Variants in COL16A1 observed in about 807,000 individuals in gnomAD.
The protein encoded by COL16A1 is collagen type XVI alpha 1 chain.
Under a neutral mutation model 266.3 loss-of-function variants are expected in COL16A1, and 189 were observed. The observed-to-expected ratio is 0.71, with a 90% CI of 0.63 to 0.80. COL16A1 has a LOEUF of 0.80. Ranked by LOEUF, COL16A1 falls within the 30% of genes least tolerant of loss-of-function variation. COL16A1 has a pLI of 0.00. For missense variants in COL16A1, 1,928 were observed against 2,122.4 expected (o/e 0.91, Z 1.80); for synonymous variants, 740 against 782.3 (o/e 0.95, Z 0.90).
At position 31,697,740 on chromosome 1, in the gene COL16A1, G is replaced by A. The variant is rs1644560386; in HGVS notation, c.657+166C>T. 6.6e-6 allele frequency among the ~76,000 whole-genome samples: 1 copy of A among 152,168 alleles called. No individual in the cohort carries two copies. The highest frequency in any genetic ancestry group is 2.4e-5 in the African/African-American group (1 of 41,446). ...ACACTTATAAGGACCAGATCATGAA[G>A]GGCCTTGAATGCCAGGTGAATATGT... is the stretch of plus-strand genomic sequence containing the variant. On this transcript the variant is annotated intron_variant, in intron 6 of 70. Coordinates refer to ENST00000373672, the MANE Select transcript of COL16A1 (RefSeq NM_001856.4). This position sits in a 1 kb window ranked among gnomAD's most constrained non-coding sequence, Gnocchi z 4.2.
intron 31 of COL16A1, 37 bp from the exon 32 acceptor site, chr1:31,684,268 C>G (rs1289363686): frequency 2.7e-6 from 4 of 1,454,554 alleles, no homozygotes; most frequent in Non-Finnish European, 3.6e-6. Context: ...GCCCATGAGC[C>G]GGGGCTGGCA....
At chr1:31,675,337 A>G (rs369379014) in intron 42 of COL16A1, 26 bp from the exon 43 acceptor site, 6 of 1,611,344 alleles carry the variant, frequency 3.7e-6, no homozygotes, top group Non-Finnish European at 4.2e-6. Context: ...GACACGAGTG[A>G]GTGGGCTCCA....
intron 52 of COL16A1, 126 bp from the exon 53 acceptor site, chr1:31,666,207 C>T (rs531575475): frequency 1.4e-5 from 14 of 1,001,294 alleles, no homozygotes; most frequent in Non-Finnish European, 2.0e-5. Context: ...GGCTGGCAGG[C>T]CCCCTCTGCC....
chr1:31,655,305 C>A lies in COL16A1; in HGVS notation c.4290+9G>T. ...GACAGTGCCCACAGCTGCCAGCCTT[C>A]CCCCTTACCATGGAGCCAGGCACAC... On this transcript the variant is annotated intron_variant, in intron 67 of 70. Coordinates refer to ENST00000373672, the MANE Select transcript of COL16A1 (RefSeq NM_001856.4). 1.9e-6 allele frequency: 3 copies of A among 1,610,994 alleles called. No homozygotes were observed. Among genetic ancestry groups the A allele is most frequent in the Non-Finnish European group, 1.7e-6 (2 of 1,178,494 alleles).
At position 31,668,784 on chromosome 1, in the gene COL16A1, C is replaced by T. The variant is rs1240960337; in HGVS notation, c.3249+18G>A. On this transcript the variant is annotated intron_variant, in intron 50 of 70. Coordinates refer to ENST00000373672, the MANE Select transcript of COL16A1 (RefSeq NM_001856.4). The surrounding 1 kb of genome is among the most constrained non-coding windows in gnomAD (Gnocchi z 5.8). ...CTCCCTTTCCAGCCCTTTCCAGCCC[C>T]TGCCAGCTTCTTCTTACCGGCTCCC... 6.2e-7 allele frequency: 1 copy of T among 1,613,910 alleles called. No individual in the cohort carries two copies. The highest frequency in any genetic ancestry group is 1.1e-5 in the South Asian group (1 of 91,074).
chr1:31,673,023 C>T (rs1052533886), intron 44 of COL16A1, 183 bp from the exon 45 acceptor site: 5 of 682,292 alleles, frequency 7.3e-6, no homozygotes, highest in Non-Finnish European at 1.3e-5. Context: ...GGGGGACCCA[C>T]TCCCAACAAT....
chr1:31,672,642 A>G lies in COL16A1; in HGVS notation c.2977-5T>C, dbSNP rs201359157. The G allele has an allele frequency of 1.4e-5, 23 of 1,605,652 alleles. No homozygotes were observed. In the African/African-American group the frequency reaches 3.1e-4, roughly 21 times the overall value. ...GCGCTCCAGTGACAAAAAGCACTGCAAGGGACAATGAGAGGCACATTGTCT... is the reference window on the plus strand; with the variant it reads ...GCGCTCCAGTGACAAAAAGCACTGCGAGGGACAATGAGAGGCACATTGTCT... On this transcript the variant is annotated splice_region_variant and splice_polypyrimidine_tract_variant and intron_variant, in intron 45 of 70. Coordinates refer to ENST00000373672, the MANE Select transcript of COL16A1 (RefSeq NM_001856.4).
In COL16A1 at chr1:31,683,497, G is replaced by C. The variant is rs185271946; in HGVS notation, c.2380-128C>G. 3.8e-6 allele frequency: 6 copies of C among 1,588,068 alleles called. No individual in the cohort carries two copies. In the African/African-American group the frequency reaches 6.7e-5, roughly 18 times the overall value. On this transcript the variant is annotated intron_variant, in intron 34 of 70. Transcript: ENST00000373672. Reference sequence around the variant, plus strand: ...CCCAAATTCAGAAGAGCTCCCCAAGGAGACCCTGAGGGTCAGAGAGGCTGG... The same window carrying C: ...CCCAAATTCAGAAGAGCTCCCCAAGCAGACCCTGAGGGTCAGAGAGGCTGG...
chr1:31,686,701 G>A (rs1194276155), intron 26 of COL16A1, among the ~76,000 whole-genome samples: 1 of 152,272 alleles, frequency 6.6e-6, no homozygotes, highest in East Asian at 1.9e-4. Flanking sequence ...TACTATGAAG[G>A]AAATCAACAA....
At position 31,684,870 on chromosome 1, in the gene COL16A1, A is replaced by AT. The variant is rs756403650; in HGVS notation, c.2017-15dup. The AT allele has an allele frequency of 6.2e-7, 1 of 1,613,552 alleles. No homozygotes were observed. The highest frequency in any genetic ancestry group is 8.5e-7 in the Non-Finnish European group (1 of 1,180,004). On this transcript the variant is annotated splice_polypyrimidine_tract_variant and intron_variant, in intron 29 of 70. Transcript: ENST00000373672. ...TCCAGCCTTGCCCTGAGGAGAAAGC[A>AT]TTTCCAGCACCCGCTCACTCATACC...
Position 31,695,806 on chromosome 1 carries a change from G to T in COL16A1, c.919-19C>A, listed in dbSNP as rs1044388327. ...GATGGACCTGAGGAAAGGGTGGGGG[G>T]TGTGGGAATGGGCAGGGAGCTCAGG... On this transcript the variant is annotated intron_variant, in intron 9 of 70. Coordinates refer to ENST00000373672, the MANE Select transcript of COL16A1 (RefSeq NM_001856.4). 3 of 1,610,470 alleles carry T rather than the reference G, an allele frequency of 1.9e-6. No homozygotes were observed. Among genetic ancestry groups the T allele is most frequent in the East Asian group, 2.2e-5 (1 of 44,830 alleles).
At chr1:31,662,215 G>T in intron 58 of COL16A1, 119 bp downstream of exon 58, 1 of 1,529,180 alleles carries the variant, frequency 6.5e-7, no homozygotes, top group Non-Finnish European at 8.9e-7. Context: ...GGGAGGGCAT[G>T]GGTGCCCCCT....
Position 31,679,360 on chromosome 1 carries a change from G to C in COL16A1, c.2772+272C>G, listed in dbSNP as rs1643428122. ...AAACAGTGGGCCGGGCTCTGTACCAGGGTAAGGGATTTTTATCTGACCCAG... is the reference window on the plus strand; with the variant it reads ...AAACAGTGGGCCGGGCTCTGTACCACGGTAAGGGATTTTTATCTGACCCAG... On this transcript the variant is annotated intron_variant, in intron 42 of 70. Transcript: ENST00000373672. 4.7e-6 allele frequency: 7 copies of C among 1,478,824 alleles called. No homozygotes were observed. In the Admixed American group the frequency reaches 1.5e-4, roughly 32 times the overall value. 91.6% of individuals were successfully genotyped at this position (1,478,824 alleles called of 1,614,324 possible). A position where few individuals can be genotyped will look rare whatever the true frequency, so the allele number is the denominator to read the frequency against.
intron 47 of COL16A1, among the ~76,000 whole-genome samples, chr1:31,671,951 G>C (rs1642749317): frequency 6.6e-6 from 1 of 152,248 alleles, no homozygotes; most frequent in Non-Finnish European, 1.5e-5. Context: ...TTCTAGGGGA[G>C]AGACGGACAC....
Position 31,688,270 on chromosome 1 carries a change from A to G in COL16A1, c.1803+197T>C, listed in dbSNP as rs1331683085. ...AATATCATCACAGCTACACTAAGGA[A>G]TTCTCTTACAGAACATGAGGGCTCT... On this transcript the variant is annotated intron_variant, in intron 26 of 70. Transcript: ENST00000373672. The surrounding 1 kb of genome is among the most constrained non-coding windows in gnomAD (Gnocchi z 4.9). Among the ~76,000 whole-genome samples, 1 of 152,200 alleles carries G rather than the reference A, an allele frequency of 6.6e-6. No individual in the cohort carries two copies. The highest frequency in any genetic ancestry group is 1.5e-5 in the Non-Finnish European group (1 of 68,034).
intron 2 of COL16A1, chr1:31,701,262 C>G: frequency 1.0e-6 from 1 of 969,260 alleles, no homozygotes; most frequent in Non-Finnish European, 1.2e-6. Context: ...AGATTCCTTA[C>G]AGATGTTGAA....
intron 12 of COL16A1, 53 bp from the exon 13 acceptor site, chr1:31,693,207 T>C: frequency 8.4e-7 from 1 of 1,194,780 alleles, no homozygotes; most frequent in Non-Finnish European, 1.2e-6. Context: ...CATGGGAGCC[T>C]TGAGAAAGCT....
At position 31,675,620 on chromosome 1, in the gene COL16A1, G is replaced by A. The variant is rs542883938; in HGVS notation, c.2773-309C>T. Among the ~76,000 whole-genome samples the A allele has an allele frequency of 4.6e-5, 7 of 152,166 alleles. No homozygotes were observed. The East Asian group carries it at 9.6e-4, about 21-fold the overall frequency. ...CTACTGTTTATTTCTGTGCTAAGTC[G>A]TTTTTCTATATTTTCTCTCTTTCTT... On this transcript the variant is annotated intron_variant, in intron 42 of 70. Coordinates refer to ENST00000373672, the MANE Select transcript of COL16A1 (RefSeq NM_001856.4).
intron 42 of COL16A1, among the ~76,000 whole-genome samples, chr1:31,676,368 CA>C (rs1193932875): frequency 2.4e-4 from 36 of 151,514 alleles, no homozygotes; most frequent in Middle Eastern, 3.4e-3. Flanking sequence ...AGTAACTTGC[CA>C]AAGGTCACAA....
Sources: allele counts gnomAD v4.1 joint callset (sites outside exome capture counted in the v4.1 genomes callset), GRCh38; gene constraint gnomAD v4.1.1; non-coding constraint Gnocchi (gnomAD v3.1); transcripts MANE v1.5; gene names NCBI Gene and HGNC (gene_info 2026-07-23, HGNC 2026-07-21).